The following DISP1 variants were observed in gnomAD, a reference collection of about 807,000 sequenced individuals.
The protein encoded by DISP1 is dispatched RND transporter family member 1, also known as protein dispatched homolog 1.
A neutral mutation model predicts 37.3 loss-of-function variants in DISP1; 30 were observed. That is an observed-to-expected ratio of 0.80 (90% CI 0.60 to 1.09). The LOEUF is 1.09. Ranked by LOEUF, DISP1 falls within the 50% of genes least tolerant of loss-of-function variation. The pLI is 0.00. For synonymous variants in DISP1, 634 were observed against 690.2 expected (o/e 0.92, Z 1.28); for missense variants, 1,598 against 1,879.5 (o/e 0.85, Z 2.77).
At chr1:222,908,497 C>G (rs71644716) in intron 1 of DISP1, among the ~76,000 whole-genome samples, 17,710 of 152,024 alleles carry the variant, frequency 0.12, 1,378 homozygotes, top group Non-Finnish European at 0.16. Flanking sequence ...CCTCTGCCTC[C>G]CGATTCTCCT....
intron 1 of DISP1, among the ~76,000 whole-genome samples, chr1:222,879,479 C>T (rs993970779): frequency 2.0e-5 from 3 of 151,754 alleles, no homozygotes; most frequent in Non-Finnish European, 4.4e-5. Context: ...TGAAGAATGG[C>T]AAAGATATTT....
intron 1 of DISP1, among the ~76,000 whole-genome samples, chr1:222,913,041 G>C (rs953451824): frequency 1.2e-4 from 18 of 152,162 alleles, no homozygotes; most frequent in African/African-American, 4.1e-4. Flanking sequence ...ACAAAAACAA[G>C]AACTTTGTTC....
Position 222,994,991 on chromosome 1 carries a change from G to T in DISP1, c.987+9G>T. ...ATGTAGATAATTCCAGGGTATGTAA[G>T]ATAAAAACTAAAATCTCCTTAGCAC... On this transcript the variant is annotated intron_variant, in intron 8 of 8. Transcript: ENST00000675850. The T allele has an allele frequency of 6.3e-7, 1 of 1,597,378 alleles. No individual in the cohort carries two copies. Among genetic ancestry groups the T allele is most frequent in the Non-Finnish European group, 8.6e-7 (1 of 1,165,568 alleles).
intron 2 of DISP1, among the ~76,000 whole-genome samples, chr1:222,930,431 T>TA (rs1463725359): frequency 1.3e-5 from 2 of 151,914 alleles, no homozygotes; most frequent in African/African-American, 2.4e-5. Flanking sequence ...ACAGAGCAAC[T>TA]AAAAAAAATT....
Position 223,002,724 on chromosome 1 carries a change from G to A in DISP1, c.1327G>A (p.Asp443Asn). The A allele has an allele frequency of 6.2e-7, 1 of 1,614,102 alleles. No individual in the cohort carries two copies. ...DKDFMTPKTA[D>N]YATPALKYSM... ...AGACTTTATGACCCCAAAGACGGCT[G>A]ACTATGCCACGCCAGCTTTAAAATA... Residue 443 changes from aspartate (D) to asparagine (N), a missense_variant, in exon 9 of 9, where the codon GAC (aspartate) becomes AAC (asparagine). By Grantham distance (23) the Asp-to-Asn change is conservative. Coordinates refer to ENST00000675850, the MANE Select transcript of DISP1 (RefSeq NM_001377229.1).
chr1:222,946,707 A>G (rs1377107870), intron 3 of DISP1, among the ~76,000 whole-genome samples: 1 of 152,194 alleles, frequency 6.6e-6, no homozygotes, highest in Non-Finnish European at 1.5e-5. Flanking sequence ...AAGTACTATC[A>G]AGAAGGAATA....
chr1:222,843,471 C>T (rs1033813972), intron 1 of DISP1, among the ~76,000 whole-genome samples: 2 of 147,770 alleles, frequency 1.4e-5, no homozygotes, highest in African/African-American at 2.5e-5. Context: ...TGGTATGGCT[C>T]GTAAAAATTT....
intron 4 of DISP1, among the ~76,000 whole-genome samples, chr1:222,985,731 T>G (rs1678231154): frequency 6.6e-6 from 1 of 152,218 alleles, no homozygotes; most frequent in South Asian, 2.1e-4. Context: ...TCTTATTTTC[T>G]GTATTAGGCT....
rs773636648 is a variant in DISP1, at chr1:223,004,554, G to A, written c.3157G>A (p.Ala1053Thr). 6.2e-7 allele frequency: 1 copy of A among 1,614,156 alleles called. No individual in the cohort carries two copies. The highest frequency in any genetic ancestry group is 1.1e-5 in the South Asian group (1 of 91,070). ...TGCCGTCGGCTTGTCTGTAGACTTT[G>A]CCGTCCATTATGGGGTTGCCTACCG... ...SVAVGLSVDF[A>T]VHYGVAYRLA... is the part of the protein sequence containing the mutation. The change falls in exon 9 of 9, where the codon GCC becomes ACC. Residue 1053 changes from alanine to threonine, a missense_variant. Ala to Thr is a moderately conservative substitution (Grantham distance 58, BLOSUM62 0). Coordinates refer to ENST00000675850, the MANE Select transcript of DISP1 (RefSeq NM_001377229.1). This position sits in a 1 kb window ranked among gnomAD's most constrained non-coding sequence, Gnocchi z 4.9.
chr1:222,954,041 A>T (rs1162723414), intron 3 of DISP1, among the ~76,000 whole-genome samples: 1 of 151,988 alleles, frequency 6.6e-6, no homozygotes, highest in Non-Finnish European at 1.5e-5. Context: ...GATACTGGAG[A>T]GTAAAGGGGA....
intron 1 of DISP1, among the ~76,000 whole-genome samples, chr1:222,891,824 T>G (rs1247297600): frequency 1.3e-5 from 2 of 151,810 alleles, no homozygotes; most frequent in Non-Finnish European, 2.9e-5. Flanking sequence ...GTGTGTGTGT[T>G]GAGGAGTAAA....
chr1:222,960,494 A>G (rs1675972199), intron 3 of DISP1, among the ~76,000 whole-genome samples: 1 of 152,206 alleles, frequency 6.6e-6, no homozygotes, highest in Non-Finnish European at 1.5e-5. Flanking sequence ...CATTTATAGC[A>G]CTAAATGCCC....
chr1:222,907,836 C>T (rs1671988134), intron 1 of DISP1, among the ~76,000 whole-genome samples: 1 of 152,134 alleles, frequency 6.6e-6, no homozygotes, highest in Non-Finnish European at 1.5e-5. Context: ...TATATCCCAG[C>T]TACCCAGGAG....
At chr1:222,928,329 A>T (rs1223787396) in intron 1 of DISP1, 101 bp from the exon 2 acceptor site, 1 of 152,204 alleles carries the variant, frequency 6.6e-6, no homozygotes, top group Non-Finnish European at 1.5e-5. Flanking sequence ...CAAGGGGTTA[A>T]GTAGGAGAAA....
chr1:222,942,919 T>A lies in DISP1; in HGVS notation c.96T>A (p.Asp32Glu), dbSNP rs1182357031. 1.9e-6 allele frequency: 3 copies of A among 1,613,980 alleles called. No homozygotes were observed. The highest frequency in any genetic ancestry group is 2.5e-6 in the Non-Finnish European group (3 of 1,180,022). ...ACCCGAGTCCCCTCACCCCCTGTGA[T>A]GGAGACCATGCAGCCCAGCAGCTCA... ...AANPSPLTPCDGDHAAQQLTP... is the reference protein window; with the variant it reads ...AANPSPLTPCEGDHAAQQLTP... Residue 32 changes from aspartate (D) to glutamate (E), a missense_variant, in exon 3 of 9, where the codon GAT becomes GAA. Physicochemically the swap from Asp to Glu is conservative, Grantham distance 45 (BLOSUM62 2). Coordinates refer to ENST00000675850, the MANE Select transcript of DISP1 (RefSeq NM_001377229.1).
intron 8 of DISP1, 92 bp downstream of exon 8, chr1:222,995,074 G>T (rs1386544260): frequency 8.5e-6 from 9 of 1,057,222 alleles, no homozygotes; most frequent in Non-Finnish European, 1.3e-5. Context: ...CTGATCAGAT[G>T]AAAGTACTTC....
intron 1 of DISP1, among the ~76,000 whole-genome samples, chr1:222,905,037 A>C (rs1220404373): frequency 6.6e-6 from 1 of 152,204 alleles, no homozygotes; most frequent in Non-Finnish European, 1.5e-5. Context: ...TTGACTTTTT[A>C]GGTGAGGATT....
At chr1:222,938,929 AC>A (rs1260806726) in intron 2 of DISP1, among the ~76,000 whole-genome samples, 3 of 151,934 alleles carry the variant, frequency 2.0e-5, no homozygotes, top group Non-Finnish European at 4.4e-5. Context: ...TAATCTATAG[AC>A]AGTTCATAAA....
At chr1:222,953,081 C>G (rs914448963) in intron 3 of DISP1, among the ~76,000 whole-genome samples, 1 of 152,146 alleles carries the variant, frequency 6.6e-6, no homozygotes, top group Non-Finnish European at 1.5e-5. Context: ...TGCAGTTTTT[C>G]TCCAGGATAG....
Sources: gnomAD v4.1 joint callset for allele counts (sites outside exome capture counted in the v4.1 genomes callset) on GRCh38, gnomAD v4.1.1 for gene constraint, Gnocchi (gnomAD v3.1) non-coding constraint, MANE v1.5 for transcripts, NCBI Gene and HGNC (gene_info 2026-07-23, HGNC 2026-07-21) for gene names.